The following FAT1 variants were observed in gnomAD, a reference collection of about 807,000 sequenced individuals.
FAT1 encodes FAT atypical cadherin 1.
In FAT1, 171 loss-of-function variants were observed where a neutral mutation model predicts 329.8. The observed-to-expected ratio is 0.52, with a 90% confidence interval of 0.46 to 0.59. FAT1 has a LOEUF of 0.59. Among genes scored for constraint, FAT1 ranks in the 20% least tolerant of loss-of-function variants. The pLI is 0.00. For synonymous variants in FAT1, 2,233 were observed against 2,228.6 expected (o/e 1.00, Z -0.06); for missense variants, 5,672 against 5,774.4 (o/e 0.98, Z 0.57).
intron 2 of FAT1, among the ~76,000 whole-genome samples, chr4:186,667,468 T>C (rs941809708): frequency 2.0e-5 from 3 of 152,254 alleles, no homozygotes; most frequent in Admixed American, 6.5e-5. Flanking sequence ...TTTCATGAAT[T>C]CATGACTGTG....
At position 186,613,294 on chromosome 4, in the gene FAT1, T is replaced by C; in HGVS notation, c.9278A>G (p.Tyr3093Cys). Reference sequence around the variant, plus strand: ...ATCTGTGGCCCTGACGAGAAGATGATAAACAGCTTGCTCCTCACGATCAAG... The same window carrying C: ...ATCTGTGGCCCTGACGAGAAGATGACAAACAGCTTGCTCCTCACGATCAAG... Reference protein sequence around the residue: ...TPLDREEQAVYHLLVRATDGG... With the variant: ...TPLDREEQAVCHLLVRATDGG... The change falls in exon 13 of 27, where the codon TAT (tyrosine) becomes TGT (cysteine). Residue 3093 changes from tyrosine (Y) to cysteine (C), a missense_variant. Tyr to Cys is a radical substitution (Grantham distance 194). Transcript: ENST00000441802. 1 of 1,614,030 alleles carries C rather than the reference T, an allele frequency of 6.2e-7. No individual in the cohort carries two copies. Among genetic ancestry groups the C allele is most frequent in the South Asian group, 1.1e-5 (1 of 91,086 alleles).
At position 186,621,326 on chromosome 4, in the gene FAT1, G is replaced by A. The variant is rs763353583; in HGVS notation, c.5260C>T (p.His1754Tyr). ...GLSTNTTVLV[H>Y]LQDENDNAPV... ...GCGTTGTCATTCTCATCCTGCAAGT[G>A]AACTAGAACCGTTGTATTAGTGGAC... Residue 1754 changes from histidine (H) to tyrosine (Y), a missense_variant, in exon 10 of 27, where the codon CAC becomes TAC. Physicochemically the swap from His to Tyr is moderately conservative, Grantham distance 83. Transcript: ENST00000441802. The A allele has an allele frequency of 6.8e-6, 11 of 1,613,906 alleles. No individual in the cohort carries two copies. The highest frequency in any genetic ancestry group is 1.7e-5 in the Admixed American group (1 of 60,012).
In FAT1 at chr4:186,715,497, T is replaced by C. The variant is rs577473308; in HGVS notation, c.-18-5652A>G. 3.3e-5 allele frequency among the ~76,000 whole-genome samples: 5 copies of C among 152,316 alleles called. No individual in the cohort carries two copies. The South Asian group carries it at 1.0e-3, about 32-fold the overall frequency. On this transcript the variant is annotated intron_variant, in intron 1 of 26. Transcript: ENST00000441802. ...GAAGACATTGTTAACCGTGCAGTAA[T>C]GTAACCAAGAACCACGAATTCAGGT...
At position 186,617,970 on chromosome 4, in the gene FAT1, T is replaced by C. The variant is rs1305988504; in HGVS notation, c.8616A>G (p.Leu2872=). ...CTCTCTTTTCATGGTCAAGTTCCTT[T>C]AAAGTTGTAATCCAGCCTGTTTCCA... ...INMETGWITT[L]KELDHEKRDN... The change falls in exon 10 of 27, where the codon TTA becomes TTG. Residue 2872 remains leucine, a synonymous_variant. Coordinates refer to ENST00000441802, the MANE Select transcript of FAT1 (RefSeq NM_005245.4). 2 of 1,613,938 alleles carry C rather than the reference T, an allele frequency of 1.2e-6. No individual in the cohort carries two copies. Among genetic ancestry groups the C allele is most frequent in the African/African-American group, 1.3e-5 (1 of 74,946 alleles).
chr4:186,708,573 G>C lies in FAT1; in HGVS notation c.1255C>G (p.Leu419Val), dbSNP rs375942121. ...TTAACTGGTTCTAAAATAGAAATGA[G>C]ACCAGTGTTGTAATTTAAACTGAAT... ...AKFSLNYNTG[L>V]ISILEPVKRQ... The change falls in exon 2 of 27, where the codon CTC becomes GTC. Residue 419 changes from leucine (L) to valine (V), a missense_variant. Physicochemically the swap from Leu to Val is conservative, Grantham distance 32 (BLOSUM62 1). Around this residue, in one of 2 missense-constraint regions of FAT1, gnomAD observed 3,966 missense variants for 3,915.2 expected, o/e 1.01. Transcript: ENST00000441802. The C allele has an allele frequency of 1.7e-4, 270 of 1,613,944 alleles. 1 individual carries two copies. The highest frequency in any genetic ancestry group is 1.2e-3 in the South Asian group (111 of 91,078).
chr4:186,593,509 A>C (rs988078191), intron 26 of FAT1, among the ~76,000 whole-genome samples: 3 of 152,202 alleles, frequency 2.0e-5, no homozygotes, highest in Non-Finnish European at 4.4e-5. Flanking sequence ...GGTTCAGATA[A>C]GGAAATTGAG....
At chr4:186,611,311 C>G in intron 14 of FAT1, 75 bp downstream of exon 14, 1 of 1,388,872 alleles carries the variant, frequency 7.2e-7, no homozygotes, top group South Asian at 1.4e-5. Flanking sequence ...TCACTTAATA[C>G]AAGGCAACGT....
chr4:186,647,075 T>G (rs1438251687), intron 3 of FAT1, among the ~76,000 whole-genome samples: 1 of 152,228 alleles, frequency 6.6e-6, no homozygotes, highest in Non-Finnish European at 1.5e-5. Flanking sequence ...GTCATTCAAC[T>G]GCTCAGAATG....
At chr4:186,636,377 CAGA>C in intron 5 of FAT1, 142 bp from the exon 6 acceptor site, 1 of 878,672 alleles carries the variant, frequency 1.1e-6, no homozygotes, top group Non-Finnish European at 1.7e-6. Context: ...GAATGCCTGA[CAGA>C]AGAACAATGA....
At chr4:186,671,791 A>T (rs975229022) in intron 2 of FAT1, among the ~76,000 whole-genome samples, 1 of 152,180 alleles carries the variant, frequency 6.6e-6, no homozygotes, top group African/African-American at 2.4e-5. Context: ...TTTTAGAAAC[A>T]ATACAGTAGA....
rs138510152 is a variant in FAT1 at position 186,688,759 on chromosome 4, A to T, written c.3265+17804T>A. On this transcript the variant is annotated intron_variant, in intron 2 of 26. Transcript: ENST00000441802. Reference sequence around the variant, plus strand: ...ACTTAAGCTTCAGTCACAACTCTTGACGTGAAACTGATGAAGCCCAAATGA... The same window carrying T: ...ACTTAAGCTTCAGTCACAACTCTTGTCGTGAAACTGATGAAGCCCAAATGA... Among the ~76,000 whole-genome samples the T allele has an allele frequency of 4.1e-3, 624 of 151,166 alleles. 2 individuals carry two copies. The highest frequency in any genetic ancestry group is 7.0e-3 in the Non-Finnish European group (477 of 67,906).
intron 2 of FAT1, among the ~76,000 whole-genome samples, chr4:186,696,215 G>A (rs931845677): frequency 3.9e-5 from 6 of 152,110 alleles, no homozygotes; most frequent in African/African-American, 1.4e-4. Context: ...AACCACATAT[G>A]GATATTACTC....
chr4:186,617,198 C>A lies in FAT1; in HGVS notation c.8882G>T (p.Gly2961Val). The change falls in exon 11 of 27, where the codon GGG becomes GTG. Residue 2961 changes from glycine to valine, a missense_variant. Physicochemically the swap from Gly to Val is moderately radical, Grantham distance 109 (BLOSUM62 -3). Coordinates refer to ENST00000441802, the MANE Select transcript of FAT1 (RefSeq NM_005245.4). ...AACGGCAAACTGTCCTAAAGGATCC[C>A]CTCCTATTAAATCAATGGAGGAAGA... Reference protein sequence around the residue: ...NRQVTYFITGGDPLGQFAVET... With the variant: ...NRQVTYFITGVDPLGQFAVET... 1 of 1,570,968 alleles carries A rather than the reference C, an allele frequency of 6.4e-7. No individual in the cohort carries two copies. Among genetic ancestry groups the A allele is most frequent in the Non-Finnish European group, 8.6e-7 (1 of 1,159,484 alleles).
In FAT1 at chr4:186,595,839, A is replaced by G. The variant is rs763859488; in HGVS notation, c.13001-13T>C. 4 of 1,613,702 alleles carry G rather than the reference A, an allele frequency of 2.5e-6. No homozygotes were observed. Among genetic ancestry groups the G allele is most frequent in the Non-Finnish European group, 3.4e-6 (4 of 1,179,846 alleles). ...TCCACCACTTTTGCTAAAAGGAAGG[A>G]TGACAAACAGTAAGTATATGGGCCA... On this transcript the variant is annotated splice_polypyrimidine_tract_variant and intron_variant, in intron 25 of 26. Transcript: ENST00000441802.
At position 186,690,879 on chromosome 4, in the gene FAT1, T is replaced by TA. The variant is rs779832806; in HGVS notation, c.3265+15683dup. On this transcript the variant is annotated intron_variant, in intron 2 of 26. Transcript: ENST00000441802. Reference sequence around the variant, plus strand: ...AAAAAATGAATGTTAAAGGTCTCATTAATACTTACGCTAATCACATGCTGT... The same window carrying TA: ...AAAAAATGAATGTTAAAGGTCTCATTAAATACTTACGCTAATCACATGCTGT... Among the ~76,000 whole-genome samples the TA allele has an allele frequency of 2.0e-5, 3 of 152,216 alleles. No individual in the cohort carries two copies. The East Asian group carries it at 5.8e-4, about 29-fold the overall frequency.
chr4:186,618,451 A>G lies in FAT1; in HGVS notation c.8135T>C (p.Val2712Ala), dbSNP rs2126495503. 4 of 1,614,050 alleles carry G rather than the reference A, an allele frequency of 2.5e-6. No individual in the cohort carries two copies. Among genetic ancestry groups the G allele is most frequent in the Non-Finnish European group, 2.5e-6 (3 of 1,179,896 alleles). Residue 2712 changes from valine to alanine, a missense_variant, in exon 10 of 27, where the codon GTG becomes GCG. Coordinates refer to ENST00000441802, the MANE Select transcript of FAT1 (RefSeq NM_005245.4). ...KFSEPFYTFTVSEDVPIGTEI... is the reference protein window; with the variant it reads ...KFSEPFYTFTASEDVPIGTEI... ...TGTTCCAATAGGCACGTCCTCTGAC[A>G]CTGTAAAGGTATAGAAAGGTTCTGA...
intron 2 of FAT1, among the ~76,000 whole-genome samples, chr4:186,688,413 T>C (rs570326613): frequency 6.6e-6 from 1 of 152,192 alleles, no homozygotes; most frequent in East Asian, 1.9e-4. Context: ...GTTCATAAGG[T>C]AATCGCGGAC....
chr4:186,604,850 C>G (rs1470006348), intron 17 of FAT1, among the ~76,000 whole-genome samples: 1 of 150,434 alleles, frequency 6.6e-6, no homozygotes, highest in Admixed American at 6.6e-5. Context: ...GAAGCAGACA[C>G]GAGGAGGAGT....
chr4:186,614,325 A>G lies in FAT1; in HGVS notation c.9095T>C (p.Ile3032Thr), dbSNP rs34805028. The change falls in exon 12 of 27, where the codon ATT becomes ACT. Residue 3032 changes from isoleucine (I) to threonine (T), a missense_variant. By Grantham distance (89) the Ile-to-Thr change is moderately conservative (BLOSUM62 -1). Coordinates refer to ENST00000441802, the MANE Select transcript of FAT1 (RefSeq NM_005245.4). ...VCEKTLYSDT[I>T]PEDVLPGKLI... ...TTTTCCAGGAAGGACGTCTTCAGGA[A>G]TAGTGTCTGAATATAAAGTCTGCAA... 1.8e-4 allele frequency: 282 copies of G among 1,570,518 alleles called. No homozygotes were observed. Among genetic ancestry groups the G allele is most frequent in the Middle Eastern group, 1.7e-4 (1 of 5,994 alleles).
Sources: gnomAD v4.1 joint callset for allele counts (sites outside exome capture counted in the v4.1 genomes callset) on GRCh38, gnomAD v4.1.1 for gene constraint, gnomAD v4.1.1 regional missense constraint, MANE v1.5 for transcripts, NCBI Gene and HGNC (gene_info 2026-07-23, HGNC 2026-07-21) for gene names.